The following GAB2 variants were observed in gnomAD, a reference collection of about 807,000 sequenced individuals.
GAB2 encodes GRB2-associated-binding protein 2.
GAB2 carries 26 observed loss-of-function variants against 65.5 expected under a neutral mutation model. The observed-to-expected ratio is 0.40, with a 90% CI of 0.29 to 0.55. The LOEUF (loss-of-function observed/expected upper bound fraction) is 0.55, where lower values mean the gene tolerates loss of function less well. Among genes scored for constraint, GAB2 ranks in the 20% least tolerant of loss-of-function variants. GAB2 has a pLI of 0.53. For synonymous variants in GAB2, 321 were observed against 329.6 expected, an observed-to-expected ratio of 0.97 and a Z score of 0.28; for missense variants, 884 against 875.8, an observed-to-expected ratio of 1.01 and a Z score of -0.12.
Position 78,222,039 on chromosome 11 carries a change from T to G in GAB2, c.1658+66A>C, listed in dbSNP as rs541274639. The stretch of plus-strand genomic sequence containing the variant: ...CAGCTGTCCCGGCCCACAGGCCAGC[T>G]ACCACATCACTCATTTTCCCTAATG... On this transcript the variant is annotated intron_variant, in intron 7 of 9. Coordinates refer to ENST00000361507, the MANE Select transcript of GAB2 (RefSeq NM_080491.3). 35 of 1,025,282 alleles carry G rather than the reference T, an allele frequency of 3.4e-5. No individual in the cohort carries two copies. The African/African-American group carries it at 3.9e-4, about 11-fold the overall frequency. The allele number at this position is 1,025,282 out of a possible 1,614,324, so 63.5% of individuals were successfully genotyped here.
chr11:78,403,537 C>A (rs1330957608), intron 1 of GAB2, among the ~76,000 whole-genome samples: 1 of 152,122 alleles, frequency 6.6e-6, no homozygotes, highest in Non-Finnish European at 1.5e-5. Context: ...TATCCATATG[C>A]AGAAGAATGA....
At chr11:78,303,199 A>G (rs1187283711) in intron 1 of GAB2, among the ~76,000 whole-genome samples, 1 of 142,580 alleles carries the variant, frequency 7.0e-6, no homozygotes, top group East Asian at 2.1e-4. Context: ...TGGAAATACA[A>G]AATTTTTTAA....
At chr11:78,377,976 C>T (rs763137102) in intron 1 of GAB2, among the ~76,000 whole-genome samples, 11 of 152,136 alleles carry the variant, frequency 7.2e-5, no homozygotes, top group Non-Finnish European at 1.6e-4. Context: ...TGATTCTGAG[C>T]GAAGCTGTCA....
At chr11:78,243,801 G>A (rs1028515951) in intron 3 of GAB2, among the ~76,000 whole-genome samples, 6 of 152,080 alleles carry the variant, frequency 3.9e-5, no homozygotes, top group Non-Finnish European at 5.9e-5. Context: ...CTGAGATCGC[G>A]CCACTGCACT....
intron 1 of GAB2, among the ~76,000 whole-genome samples, chr11:78,281,592 G>C (rs559121407): frequency 6.6e-6 from 1 of 152,154 alleles, no homozygotes; most frequent in Non-Finnish European, 1.5e-5. Flanking sequence ...GGTTAAAGAC[G>C]GGGACTGTGG....
At chr11:78,260,178 T>G (rs866646223) in intron 2 of GAB2, among the ~76,000 whole-genome samples, 24 of 152,340 alleles carry the variant, frequency 1.6e-4, no homozygotes, top group Middle Eastern at 6.8e-3. Context: ...GAGATCTTTC[T>G]GGACCTATGA....
At chr11:78,247,660 G>GTTTCTGCCT (rs1330418408) in intron 3 of GAB2, among the ~76,000 whole-genome samples, 2 of 152,064 alleles carry the variant, frequency 1.3e-5, no homozygotes, top group Non-Finnish European at 2.9e-5. Context: ...ATCTCTTGCA[G>GTTTCTGCCT]TTTCTGCCTT....
intron 1 of GAB2, among the ~76,000 whole-genome samples, chr11:78,383,581 C>CA (rs534814220): frequency 0.037 from 2,050 of 55,474 alleles, 107 homozygotes; most frequent in African/African-American, 0.094. Context: ...CCTGTCTCTC[C>CA]AAAAAAAAAA....
At chr11:78,226,256 T>C (rs1474246874) in intron 4 of GAB2, among the ~76,000 whole-genome samples, 2 of 152,210 alleles carry the variant, frequency 1.3e-5, no homozygotes, top group Non-Finnish European at 2.9e-5. Context: ...TGGGGCTAGC[T>C]CTGTTAGACA....
chr11:78,265,211 T>C (rs1355848823), intron 2 of GAB2, among the ~76,000 whole-genome samples: 1 of 149,288 alleles, frequency 6.7e-6, no homozygotes, highest in South Asian at 2.1e-4. Context: ...CACATATATA[T>C]ATATATATAT....
At chr11:78,333,677 T>C (rs773284445) in intron 1 of GAB2, among the ~76,000 whole-genome samples, 1 of 152,206 alleles carries the variant, frequency 6.6e-6, no homozygotes, top group Non-Finnish European at 1.5e-5. Context: ...GGGAGAACAG[T>C]AAGTTTTTCA....
chr11:78,310,814 C>T (rs1219785654), intron 1 of GAB2, among the ~76,000 whole-genome samples: 1 of 152,022 alleles, frequency 6.6e-6, no homozygotes, highest in African/African-American at 2.4e-5. Flanking sequence ...TGCCACAAAC[C>T]CTGAGCCTCG....
chr11:78,235,504 G>A (rs998065510), intron 3 of GAB2, among the ~76,000 whole-genome samples: 2 of 152,106 alleles, frequency 1.3e-5, no homozygotes, highest in Non-Finnish European at 2.9e-5. Context: ...GAACATTTAT[G>A]CTCTGCTTTC....
intron 2 of GAB2, among the ~76,000 whole-genome samples, chr11:78,260,889 C>T (rs1865710145): frequency 6.6e-6 from 1 of 152,142 alleles, no homozygotes; most frequent in African/African-American, 2.4e-5. Context: ...CAGACCATAT[C>T]TTTTTCTCTA....
chr11:78,304,976 C>T (rs570197955), intron 1 of GAB2, among the ~76,000 whole-genome samples: 2 of 152,306 alleles, frequency 1.3e-5, no homozygotes, highest in South Asian at 4.1e-4. Flanking sequence ...CACTTGAATG[C>T]CCAAAAGCCT....
rs533227663 is a variant in GAB2 at position 78,281,998 on chromosome 11, TCA to T, written c.76-1099_76-1098del. Among the ~76,000 whole-genome samples, 6 of 152,342 alleles carry T rather than the reference TCA, an allele frequency of 3.9e-5. No homozygotes were observed. In the South Asian group the frequency reaches 8.3e-4, roughly 21 times the overall value. On this transcript the variant is annotated intron_variant, in intron 1 of 9. Transcript: ENST00000361507. ...ACCAAAACATGATGCCTTAGAAGAA[TCA>T]CAGAGAAACTGCTCTAAAAACATGT...
chr11:78,236,808 C>G (rs1452807896), intron 3 of GAB2, among the ~76,000 whole-genome samples: 1 of 151,978 alleles, frequency 6.6e-6, no homozygotes, highest in Non-Finnish European at 1.5e-5. Context: ...ACCTTACACT[C>G]CTGGGATAAA....
At chr11:78,314,891 C>T (rs1855570230) in intron 1 of GAB2, among the ~76,000 whole-genome samples, 2 of 152,154 alleles carry the variant, frequency 1.3e-5, no homozygotes, top group South Asian at 4.1e-4. Context: ...GGAGAAAGAC[C>T]ATGGCACATT....
intron 1 of GAB2, among the ~76,000 whole-genome samples, chr11:78,313,958 T>C (rs941867094): frequency 1.3e-5 from 2 of 152,240 alleles, no homozygotes; most frequent in East Asian, 1.9e-4. Flanking sequence ...GAAAGAGTAA[T>C]GGAAAAGAAG....
Sources: gnomAD v4.1 joint callset for allele counts (sites outside exome capture counted in the v4.1 genomes callset) on GRCh38, gnomAD v4.1.1 for gene constraint, MANE v1.5 for transcripts, NCBI Gene and HGNC (gene_info 2026-07-23, HGNC 2026-07-21) for gene names.